MYO1B: variants seen among roughly 807,000 people sequenced by gnomAD.
MYO1B encodes the protein myosin IB.
In MYO1B, 72 loss-of-function variants were observed where a neutral mutation model predicts 159.7. That is an observed-to-expected ratio of 0.45 (90% confidence interval 0.37 to 0.55). The LOEUF (loss-of-function observed/expected upper bound fraction) is 0.55, where lower values mean the gene tolerates loss of function less well. Among genes scored for constraint, MYO1B ranks in the 20% least tolerant of loss-of-function variants. The probability of loss-of-function intolerance (pLI) is 0.00; values close to 1 mark genes in which losing one functional copy is unlikely to be tolerated. For synonymous variants in MYO1B, 468 were observed against 473.8 expected (o/e 0.99, Z 0.16); for missense variants, 1,062 against 1,364.8 (o/e 0.78, Z 3.50).
chr2:191,289,296 A>T (rs1488192130), intron 2 of MYO1B, among the ~76,000 whole-genome samples: 1 of 152,190 alleles, frequency 6.6e-6, no homozygotes, highest in Non-Finnish European at 1.5e-5. Flanking sequence ...GGCCTAACAG[A>T]CGGCATGGAT....
At chr2:191,353,247 C>T (rs1693036461) in intron 7 of MYO1B, among the ~76,000 whole-genome samples, 1 of 151,970 alleles carries the variant, frequency 6.6e-6, no homozygotes, top group African/African-American at 2.4e-5. Flanking sequence ...AATATTTCTC[C>T]TAGTTTGTTA....
intron 8 of MYO1B, 61 bp from the exon 9 acceptor site, chr2:191,362,207 T>G: frequency 5.3e-4 from 667 of 1,249,266 alleles, no homozygotes; most frequent in Non-Finnish European, 7.0e-4. Flanking sequence ...TCAAAGGGAA[T>G]GAGATATTAA....
chr2:191,392,327 TTATC>T lies in MYO1B; in HGVS notation c.2076+129_2076+132del, dbSNP rs1695805111. ...TGAATGCCACAAAACACTTGTGTGT[TTATC>T]TACAAATAATCAAGAGGCAGGGACA... On this transcript the variant is annotated intron_variant, in intron 19 of 30. Coordinates refer to ENST00000392318, the MANE Select transcript of MYO1B (RefSeq NM_001130158.3). The T allele has an allele frequency of 6.7e-6, 4 of 600,406 alleles. No individual in the cohort carries two copies. In the Admixed American group the frequency reaches 1.1e-4, roughly 17 times the overall value. The allele number at this position is 600,406 out of a possible 1,614,324, so 37.2% of individuals were successfully genotyped here. A position where few individuals can be genotyped will look rare whatever the true frequency, so the allele number is the denominator to read the frequency against.
intron 3 of MYO1B, among the ~76,000 whole-genome samples, chr2:191,311,713 A>G (rs565219364): frequency 6.6e-6 from 1 of 152,212 alleles, no homozygotes; most frequent in Non-Finnish European, 1.5e-5. Context: ...AGGTCAGGGA[A>G]ATGTATTAAA....
intron 1 of MYO1B, among the ~76,000 whole-genome samples, chr2:191,276,276 C>T (rs756674401): frequency 4.1e-4 from 62 of 152,158 alleles, no homozygotes; most frequent in Non-Finnish European, 6.6e-4. Flanking sequence ...CCATGTTAGA[C>T]GTGGTAATTG....
chr2:191,396,777 G>A (rs139082253), intron 21 of MYO1B, among the ~76,000 whole-genome samples: 12 of 152,226 alleles, frequency 7.9e-5, no homozygotes, highest in South Asian at 2.1e-4. Flanking sequence ...CCTTTGCCCC[G>A]TGTTTTCGAG....
intron 30 of MYO1B, among the ~76,000 whole-genome samples, chr2:191,421,269 C>T (rs1230451287): frequency 6.6e-6 from 1 of 151,730 alleles, no homozygotes; most frequent in Non-Finnish European, 1.5e-5. Context: ...GAGGTTTCAC[C>T]GTCTTGGCCA....
intron 1 of MYO1B, among the ~76,000 whole-genome samples, chr2:191,249,728 G>A (rs531305789): frequency 1.3e-5 from 2 of 152,188 alleles, no homozygotes; most frequent in Non-Finnish European, 2.9e-5. Flanking sequence ...TTTGAAGACT[G>A]GAAGTTCTGC....
chr2:191,322,842 G>A (rs541043080), intron 3 of MYO1B, among the ~76,000 whole-genome samples: 2 of 152,166 alleles, frequency 1.3e-5, no homozygotes, highest in South Asian at 4.2e-4. Flanking sequence ...AAAGAATTTG[G>A]GGTGAGACCA....
chr2:191,275,016 G>A (rs934889388), intron 1 of MYO1B, among the ~76,000 whole-genome samples: 7 of 151,860 alleles, frequency 4.6e-5, no homozygotes, highest in Non-Finnish European at 8.8e-5. Flanking sequence ...CAAGCAGTTC[G>A]CTGCCTCAGC....
chr2:191,321,821 T>TA (rs1364442493), intron 3 of MYO1B, among the ~76,000 whole-genome samples: 4 of 152,156 alleles, frequency 2.6e-5, no homozygotes, highest in Non-Finnish European at 4.4e-5. Context: ...TGGGGGAACT[T>TA]AGATGTCTTT....
At chr2:191,397,915 A>T (rs1574605152) in intron 21 of MYO1B, among the ~76,000 whole-genome samples, 1 of 75,954 alleles carries the variant, frequency 1.3e-5, no homozygotes, top group Non-Finnish European at 2.6e-5. Context: ...GGCGCCCCTC[A>T]CCTCCCGGAC....
chr2:191,272,082 A>G (rs1687485602), intron 1 of MYO1B, among the ~76,000 whole-genome samples: 1 of 152,222 alleles, frequency 6.6e-6, no homozygotes, highest in South Asian at 2.1e-4. Flanking sequence ...TAACTTTGCA[A>G]AAGATACCAG....
chr2:191,323,748 A>G (rs947566254), intron 3 of MYO1B, among the ~76,000 whole-genome samples: 2 of 152,176 alleles, frequency 1.3e-5, no homozygotes, highest in African/African-American at 4.8e-5. Flanking sequence ...TCTAAAACAG[A>G]TGTCATCTTC....
chr2:191,390,427 A>C lies in MYO1B; in HGVS notation c.1917A>C (p.Glu639Asp), dbSNP rs1559226494. ...RAGYAFRQAY[E>D]PCLERYKMLC... ...GCTACGCCTTCAGGCAGGCCTATGA[A>C]CCTTGCCTAGAAAGATACAAAATGC... is the stretch of plus-strand genomic sequence containing the variant. The change falls in exon 18 of 31, where the codon GAA (glutamate) becomes GAC (aspartate). Residue 639 changes from glutamate to aspartate, a missense_variant. This residue lies in a region of MYO1B where 609 missense variants were observed against 744.4 expected (regional missense o/e 0.82). Coordinates refer to ENST00000392318, the MANE Select transcript of MYO1B (RefSeq NM_001130158.3). 1.2e-6 allele frequency: 2 copies of C among 1,614,220 alleles called. No individual in the cohort carries two copies. Among genetic ancestry groups the C allele is most frequent in the Non-Finnish European group, 1.7e-6 (2 of 1,180,032 alleles).
At chr2:191,370,176 A>T (rs748381298) in intron 12 of MYO1B, 51 bp from the exon 13 acceptor site, 1 of 1,121,176 alleles carries the variant, frequency 8.9e-7, no homozygotes, top group Admixed American at 1.8e-5. Context: ...GGATGCTTGT[A>T]GTGTTATATT....
chr2:191,318,527 C>T (rs1276496704), intron 3 of MYO1B, among the ~76,000 whole-genome samples: 1 of 152,206 alleles, frequency 6.6e-6, no homozygotes, highest in Non-Finnish European at 1.5e-5. Context: ...GAAGCAGTCT[C>T]TGTTCCGATC....
intron 17 of MYO1B, 136 bp downstream of exon 17, chr2:191,387,586 A>G (rs1469037536): frequency 1.3e-6 from 1 of 773,970 alleles, no homozygotes; most frequent in African/African-American, 1.7e-5. Context: ...ATAATACCTT[A>G]TCTGGGATTG....
rs954257902 is a variant in MYO1B at position 191,406,031 on chromosome 2, G to A, written c.2557-2084G>A. On this transcript the variant is annotated intron_variant, in intron 24 of 30. Transcript: ENST00000392318. ...CTACATTGGAAATCTGTTGTCGAGT[G>A]TAGCCACATTCATGAGTGATCTAGT... Among the ~76,000 whole-genome samples, 3 of 152,228 alleles carry A rather than the reference G, an allele frequency of 2.0e-5. 1 individual carries two copies. The highest frequency in any genetic ancestry group is 4.1e-4 in the South Asian group (2 of 4,838).
Sources: gnomAD v4.1 joint callset for allele counts (sites outside exome capture counted in the v4.1 genomes callset) on GRCh38, gnomAD v4.1.1 for gene constraint, gnomAD v4.1.1 regional missense constraint, MANE v1.5 for transcripts, NCBI Gene and HGNC (gene_info 2026-07-23, HGNC 2026-07-21) for gene names.